Variants in ARSG observed in about 807,000 individuals in gnomAD.
The protein encoded by ARSG is arylsulfatase G.
ARSG carries 37 observed loss-of-function variants against 50.5 expected under a neutral mutation model. That is an observed-to-expected ratio of 0.73 (90% confidence interval 0.56 to 0.96). The LOEUF (loss-of-function observed/expected upper bound fraction) is 0.96, where lower values mean the gene tolerates loss of function less well. Ranked by LOEUF, ARSG falls within the 50% of genes least tolerant of loss-of-function variation. ARSG has a pLI of 0.00. For synonymous variants in ARSG, 225 were observed against 254.6 expected, an observed-to-expected ratio of 0.88 and a Z score of 1.11; for missense variants, 629 against 675.3, an observed-to-expected ratio of 0.93 and a Z score of 0.76.
At chr17:68,389,067 C>A (rs1262190471) in intron 9 of ARSG, among the ~76,000 whole-genome samples, 2 of 152,146 alleles carry the variant, frequency 1.3e-5, no homozygotes, top group African/African-American at 4.8e-5. Flanking sequence ...TCCGAAGGCA[C>A]CGGTCTTGGA....
At chr17:68,259,552 C>T (rs189659856) in intron 1 of ARSG, 1 of 152,338 alleles carries the variant, frequency 6.6e-6, no homozygotes, top group East Asian at 1.9e-4. Context: ...ATACAAGCCA[C>T]ATATGTAAGC....
intron 1 of ARSG, among the ~76,000 whole-genome samples, chr17:68,293,575 A>G (rs1555757116): frequency 6.6e-6 from 1 of 152,072 alleles, no homozygotes; most frequent in Non-Finnish European, 1.5e-5. Context: ...AATCTTTTTT[A>G]AATGTTTGCT....
At chr17:68,370,293 C>A in intron 7 of ARSG, 151 bp from the exon 8 acceptor site, 1 of 589,200 alleles carries the variant, frequency 1.7e-6, no homozygotes, top group Non-Finnish European at 2.9e-6. Flanking sequence ...GGATTACAAG[C>A]GTGAGCCACT....
chr17:68,353,514 AAAAAAC>A (rs1378787517), intron 5 of ARSG, among the ~76,000 whole-genome samples: 3 of 152,092 alleles, frequency 2.0e-5, no homozygotes, highest in Non-Finnish European at 4.4e-5. Flanking sequence ...ATCCCGTCTC[AAAAAAC>A]AAAAACAAAA....
At chr17:68,270,835 T>A in intron 1 of ARSG, 3 of 1,593,506 alleles carry the variant, frequency 1.9e-6, no homozygotes, top group Non-Finnish European at 2.6e-6. Flanking sequence ...TGTATTTAAA[T>A]TACCTGCAAG....
At chr17:68,316,803 C>T (rs541249253) in intron 2 of ARSG, among the ~76,000 whole-genome samples, 2 of 152,224 alleles carry the variant, frequency 1.3e-5, no homozygotes, top group African/African-American at 4.8e-5. Context: ...CTCCCCTGTT[C>T]GTCACAATTC....
intron 8 of ARSG, among the ~76,000 whole-genome samples, chr17:68,383,772 C>T (rs77734709): frequency 0.025 from 3,806 of 152,220 alleles, 61 homozygotes; most frequent in Non-Finnish European, 0.037. Context: ...ACGTGGCCCT[C>T]GATAGGAAGG....
intron 7 of ARSG, among the ~76,000 whole-genome samples, chr17:68,369,471 C>A (rs529008349): frequency 6.6e-6 from 1 of 151,680 alleles, no homozygotes; most frequent in Non-Finnish European, 1.5e-5. Flanking sequence ...ACCTGGGAGG[C>A]GGAGGTTGCA....
At chr17:68,296,474 AT>A (rs1221736767) in intron 1 of ARSG, among the ~76,000 whole-genome samples, 1 of 152,134 alleles carries the variant, frequency 6.6e-6, no homozygotes, top group African/African-American at 2.4e-5. Flanking sequence ...GAGTTTCCAG[AT>A]GGCTAGGGGA....
the ARSG span, among the ~76,000 whole-genome samples, chr17:68,447,119 T>C: frequency 6.6e-6 from 1 of 152,228 alleles, no homozygotes; most frequent in African/African-American, 2.4e-5. Context: ...ACTCCTTTTA[T>C]CAATTACAAA....
intron 6 of ARSG, among the ~76,000 whole-genome samples, chr17:68,357,603 C>G (rs1568516355): frequency 6.6e-6 from 1 of 152,172 alleles, no homozygotes; most frequent in Non-Finnish European, 1.5e-5. Flanking sequence ...TTAGACCCTG[C>G]TTATCTTTGG....
At chr17:68,289,558 C>A (rs1197727998), upstream of ARSG, among the ~76,000 whole-genome samples, 2 of 152,148 alleles carry the variant, frequency 1.3e-5, no homozygotes, top group African/African-American at 4.8e-5. Flanking sequence ...AAGGCGTAGC[C>A]CGGAGAACAG....
chr17:68,322,637 A>AT, intron 2 of ARSG, among the ~76,000 whole-genome samples: 1 of 141,772 alleles, frequency 7.1e-6, no homozygotes, highest in Non-Finnish European at 1.6e-5. Flanking sequence ...ATAAAAAAAA[A>AT]TTAAAAAAAA....
chr17:68,433,014 G>A, the ARSG span, among the ~76,000 whole-genome samples: 6 of 152,186 alleles, frequency 3.9e-5, no homozygotes, highest in East Asian at 1.9e-4. Context: ...AGAAATTGCA[G>A]GTGCTTCCCA....
At chr17:68,289,252 G>C (rs2190760), upstream of ARSG, among the ~76,000 whole-genome samples, 94,800 of 151,936 alleles carry the variant, frequency 0.62, 30,418 homozygotes, top group African/African-American at 0.78. Context: ...GAGCAGAGAT[G>C]ACGCTACTGC....
In ARSG at chr17:68,268,942, C is replaced by T. The variant is rs2075239378; in HGVS notation, c.-552+9516C>T. The T allele has an allele frequency of 9.0e-6, 13 of 1,449,868 alleles. No individual in the cohort carries two copies. The East Asian group carries it at 1.6e-4, about 18-fold the overall frequency. The allele number at this position is 1,449,868 out of a possible 1,614,324, so 89.8% of individuals were successfully genotyped here. A position where few individuals can be genotyped will look rare whatever the true frequency, so the allele number is the denominator to read the frequency against. ...AAAACAAAACAAAACAAAACAAAAG[C>T]GATGTTGGTAGTGCTCTTCACATAC... On this transcript the variant is annotated intron_variant, in intron 1 of 11. Coordinates refer to the ARSG transcript ENST00000448504.
chr17:68,270,780 G>T, intron 1 of ARSG: 1 of 1,418,806 alleles, frequency 7.0e-7, no homozygotes. Flanking sequence ...TGAACAGGAA[G>T]CTAGCACAAT....
intron 3 of ARSG, 64 bp from the exon 4 acceptor site, chr17:68,347,061 C>T: frequency 1.3e-6 from 2 of 1,588,892 alleles, no homozygotes; most frequent in African/African-American, 1.3e-5. Flanking sequence ...GTGATCAGCT[C>T]CTCAGGGGGC....
intron 2 of ARSG, among the ~76,000 whole-genome samples, chr17:68,341,994 AT>A (rs1169399104): frequency 6.6e-6 from 1 of 151,434 alleles, no homozygotes; most frequent in Non-Finnish European, 1.5e-5. Flanking sequence ...TGATTTTTGT[AT>A]TTTTTGTGGA....
Sources: gnomAD v4.1 joint callset for allele counts (sites outside exome capture counted in the v4.1 genomes callset) on GRCh38, gnomAD v4.1.1 for gene constraint, MANE v1.5 for transcripts, NCBI Gene and HGNC (gene_info 2026-07-23, HGNC 2026-07-21) for gene names.